The following LSP1 variants were observed in gnomAD, a reference collection of about 807,000 sequenced individuals.
The protein encoded by LSP1 is lymphocyte specific protein 1.
A neutral mutation model predicts 49.3 loss-of-function variants in LSP1; 32 were observed. The ratio of observed to expected loss-of-function variants is 0.65; its 90% CI spans 0.49 to 0.87. The LOEUF (loss-of-function observed/expected upper bound fraction) is 0.87, where lower values mean the gene tolerates loss of function less well. LSP1 is among the 40% of genes least tolerant of loss of function. The pLI is 0.00. For synonymous variants in LSP1, 179 were observed against 178.8 expected, an observed-to-expected ratio of 1.00 and a Z score of -0.01; for missense variants, 428 against 442.6, an observed-to-expected ratio of 0.97 and a Z score of 0.30.
intron 1 of LSP1, among the ~76,000 whole-genome samples, chr11:1,877,965 G>A (rs955346142): frequency 4.6e-5 from 7 of 152,262 alleles, no homozygotes; most frequent in African/African-American, 1.2e-4. Flanking sequence ...AGCTTCTGGG[G>A]TCTCTGCGCC....
intron 1 of LSP1, chr11:1,859,599 A>G (rs1847571790): frequency 6.5e-6 from 1 of 154,364 alleles, no homozygotes. Flanking sequence ...TGAATCTAGA[A>G]ATAATCCTTT....
At chr11:1,889,064 A>C in intron 10 of LSP1, 1 of 578,004 alleles carries the variant, frequency 1.7e-6, no homozygotes, top group South Asian at 2.0e-5. Flanking sequence ...TCATGCAGCA[A>C]CTATGGGCCC....
intron 1 of LSP1, chr11:1,863,321 G>A (rs1200622928): frequency 6.6e-6 from 1 of 152,296 alleles, no homozygotes; most frequent in East Asian, 1.9e-4. Context: ...CCAGGGTCAT[G>A]ATAGCTGGGG....
intron 10 of LSP1, chr11:1,889,773 G>C: frequency 1.5e-6 from 1 of 649,618 alleles, no homozygotes; most frequent in Non-Finnish European, 2.8e-6. Context: ...GCAGGTCGGG[G>C]CTATGGGCAC....
intron 1 of LSP1, among the ~76,000 whole-genome samples, chr11:1,877,988 C>A (rs1443872330): frequency 1.3e-5 from 2 of 152,116 alleles, no homozygotes; most frequent in Non-Finnish European, 2.9e-5. Context: ...TGTGTACTTC[C>A]AAGCCCCGCC....
chr11:1,855,402 C>T (rs901282242), intron 1 of LSP1, among the ~76,000 whole-genome samples: 16 of 152,302 alleles, frequency 1.1e-4, no homozygotes, highest in African/African-American at 3.1e-4. Flanking sequence ...CAGCCTGTGA[C>T]GGTCTCAGGA....
intron 1 of LSP1, among the ~76,000 whole-genome samples, chr11:1,859,795 G>A (rs1297968506): frequency 6.7e-6 from 1 of 149,012 alleles, no homozygotes. Flanking sequence ...GTGCCTGCTT[G>A]AACAGAGGGC....
At chr11:1,880,356 G>C (rs985208629) in intron 2 of LSP1, 132 bp downstream of exon 2, 41 of 1,158,852 alleles carry the variant, frequency 3.5e-5, no homozygotes, top group Non-Finnish European at 2.5e-5. Flanking sequence ...GGGCCCCCAG[G>C]AGCAGGCGTG....
intron 1 of LSP1, among the ~76,000 whole-genome samples, chr11:1,875,105 T>TG (rs1565080570): frequency 6.7e-6 from 1 of 148,962 alleles, no homozygotes; most frequent in Non-Finnish European, 1.5e-5. Context: ...GTAAAGCCCA[T>TG]GGGGGGCAGA....
rs1847573847 is a variant in LSP1 at position 1,859,668 on chromosome 11, A to C, written c.53+6471A>C. The C allele has an allele frequency of 2.6e-5, 4 of 152,362 alleles. No homozygotes were observed. The South Asian group carries it at 8.3e-4, about 31-fold the overall frequency. 9.4% of individuals were successfully genotyped at this position (152,362 alleles called of 1,614,324 possible). On this transcript the variant is annotated intron_variant, in intron 1 of 10. Coordinates refer to ENST00000311604, the MANE Select transcript of LSP1 (RefSeq NM_002339.3). ...CTGAGCTTCATCACCACCACCCAGC[A>C]CCCACCATTCACCACCCAGCCTCCA...
At chr11:1,888,076 C>T (rs1848831695) in intron 10 of LSP1, among the ~76,000 whole-genome samples, 1 of 152,166 alleles carries the variant, frequency 6.6e-6, no homozygotes, top group African/African-American at 2.4e-5. Context: ...CAGTGCCACT[C>T]CTGCCATGGT....
At chr11:1,883,329 A>G in intron 3 of LSP1, 90 bp from the exon 4 acceptor site, 1 of 1,500,372 alleles carries the variant, frequency 6.7e-7, no homozygotes, top group Non-Finnish European at 9.1e-7. Context: ...TTCATTTTAC[A>G]GATGGGGAAA....
Position 1,891,911 on chromosome 11 carries a change from A to G in LSP1, c.*152A>G, listed in dbSNP as rs1251103266. 1 of 148,710 alleles carries G rather than the reference A, an allele frequency of 6.7e-6. No individual in the cohort carries two copies. Among genetic ancestry groups the G allele is most frequent in the Non-Finnish European group, 1.5e-5 (1 of 67,360 alleles). The allele number at this position is 148,710 out of a possible 1,614,324, so 9.2% of individuals were successfully genotyped here. A position where few individuals can be genotyped will look rare whatever the true frequency, so the allele number is the denominator to read the frequency against. ...GACCTACCCTCGCCTCTTTGATGCC[A>G]TCCGCTGCCACCTCCTTTTGCTCCT... On this transcript the variant is annotated 3_prime_UTR_variant, in exon 11 of 11. Coordinates refer to ENST00000311604, the MANE Select transcript of LSP1 (RefSeq NM_002339.3).
chr11:1,866,951 G>T, intron 1 of LSP1: 1 of 1,461,814 alleles, frequency 6.8e-7, no homozygotes, highest in South Asian at 1.3e-5. Flanking sequence ...AACCGTGTGG[G>T]CCCAGGCTCG....
chr11:1,866,025 G>T (rs1311120303), intron 1 of LSP1, among the ~76,000 whole-genome samples: 1 of 152,094 alleles, frequency 6.6e-6, no homozygotes, highest in East Asian at 1.9e-4. Context: ...CATGGGGTCA[G>T]GTGGGAGAGC....
At chr11:1,866,563 T>A in intron 1 of LSP1, 2 of 1,548,282 alleles carry the variant, frequency 1.3e-6, no homozygotes, top group Non-Finnish European at 1.7e-6. Context: ...GGCCCCTGGC[T>A]GGGCACACCT....
chr11:1,861,742 GGTGGATGA>G (rs1847639035), intron 1 of LSP1, among the ~76,000 whole-genome samples: 16 of 56,668 alleles, frequency 2.8e-4, no homozygotes, highest in Admixed American at 1.9e-3. Context: ...TGGATGGATT[GGTGGATGA>G]GTGGATGAGT....
At chr11:1,890,452 CCTT>C (rs1463899189) in intron 10 of LSP1, 9 of 717,210 alleles carry the variant, frequency 1.3e-5, no homozygotes, top group Middle Eastern at 2.3e-4. Flanking sequence ...TTCCGGGCTG[CCTT>C]CCTCAGGAGC....
intron 10 of LSP1, chr11:1,890,932 G>T: frequency 4.1e-6 from 1 of 241,232 alleles, no homozygotes; most frequent in Non-Finnish European, 8.1e-6. Flanking sequence ...AACACCGTGT[G>T]GGCTGGGGTG....
Sources: gnomAD v4.1 joint callset for allele counts (sites outside exome capture counted in the v4.1 genomes callset) on GRCh38, gnomAD v4.1.1 for gene constraint, MANE v1.5 for transcripts, NCBI Gene and HGNC (gene_info 2026-07-23, HGNC 2026-07-21) for gene names.